SETX: variants seen among roughly 807,000 people sequenced by gnomAD.
SETX encodes senataxin.
SETX carries 90 observed loss-of-function variants against 227.2 expected under a neutral mutation model. The observed-to-expected ratio is 0.40, with a 90% CI of 0.33 to 0.47. The LOEUF (loss-of-function observed/expected upper bound fraction) is 0.47. SETX is among the 20% of genes least tolerant of loss of function. The pLI is 0.91. For missense variants in SETX, 3,052 were observed against 3,181.5 expected (o/e 0.96, Z 0.98); for synonymous variants, 1,210 against 1,113.2 (o/e 1.09, Z -1.73).
At chr9:132,283,234 T>G (rs201489686) in intron 19 of SETX, 30 bp downstream of exon 19, 2 of 1,613,638 alleles carry the variant, frequency 1.2e-6, no homozygotes, top group Non-Finnish European at 1.7e-6. Context: ...ATAGTAGTAG[T>G]CAAAGTTGTA....
intron 11 of SETX, among the ~76,000 whole-genome samples, chr9:132,307,282 T>C (rs907948450): frequency 6.6e-6 from 1 of 151,880 alleles, no homozygotes; most frequent in Non-Finnish European, 1.5e-5. Context: ...ATAACAACAA[T>C]AATAATGTTT....
intron 10 of SETX, among the ~76,000 whole-genome samples, chr9:132,315,252 T>C (rs973676522): frequency 3.3e-5 from 5 of 152,148 alleles, no homozygotes; most frequent in Admixed American, 1.3e-4. Context: ...GCTGTTTCAC[T>C]GGGGAAAAGA....
chr9:132,273,780 C>CT (rs144757114), intron 23 of SETX, among the ~76,000 whole-genome samples: 2 of 151,822 alleles, frequency 1.3e-5, no homozygotes. Context: ...AGTAAAGATG[C>CT]TTTTTATTTA....
rs139427451 is a variant in SETX at position 132,329,007 on chromosome 9, G to A, written c.2591C>T (p.Pro864Leu). The change falls in exon 10 of 26, where the codon CCA becomes CTA. Residue 864 changes from proline (P) to leucine (L), a missense_variant. Pro to Leu is a moderately conservative substitution (Grantham distance 98). This residue lies in a region of SETX where 1,483 missense variants were observed against 1,312.0 expected (regional missense o/e 1.13). Transcript: ENST00000224140. ...GEQKSQNNVL[P>L]KEKQLKNEEL... ...TTCATTCTTTAATTGTTTCTCTTTT[G>A]GCAATACATTGTTTTGAGATTTTTG... is the stretch of plus-strand genomic sequence containing the variant. The A allele has an allele frequency of 2.1e-5, 34 of 1,606,308 alleles. No homozygotes were observed. The highest frequency in any genetic ancestry group is 1.2e-4 in the African/African-American group (9 of 74,780).
chr9:132,323,006 GATGA>G (rs1365603883), intron 10 of SETX, among the ~76,000 whole-genome samples: 1 of 151,958 alleles, frequency 6.6e-6, no homozygotes, highest in African/African-American at 2.4e-5. Context: ...AAGAAAATGA[GATGA>G]AAGATAGAAA....
In SETX at chr9:132,325,292, C is replaced by G. The variant is rs552346397; in HGVS notation, c.5274+1032G>C. On this transcript the variant is annotated intron_variant, in intron 10 of 25. Coordinates refer to ENST00000224140, the MANE Select transcript of SETX (RefSeq NM_015046.7). Reference sequence around the variant, plus strand: ...AACAGCCTGAACCCGGGAGGCAGAGCTTGCAGTGAGCCGAGATTGCACCAC... The same window carrying G: ...AACAGCCTGAACCCGGGAGGCAGAGGTTGCAGTGAGCCGAGATTGCACCAC... Among the ~76,000 whole-genome samples the G allele has an allele frequency of 7.2e-5, 11 of 151,950 alleles. No individual in the cohort carries two copies. In the East Asian group the frequency reaches 1.6e-3, roughly 22 times the overall value.
chr9:132,353,249 T>C (rs1230822352), intron 2 of SETX, among the ~76,000 whole-genome samples: 1 of 152,176 alleles, frequency 6.6e-6, no homozygotes, highest in Non-Finnish European at 1.5e-5. Context: ...TTGCTCTTCC[T>C]AAAACCATTC....
chr9:132,295,025 G>A (rs1844589104), intron 15 of SETX, among the ~76,000 whole-genome samples: 1 of 152,212 alleles, frequency 6.6e-6, no homozygotes, highest in African/African-American at 2.4e-5. Flanking sequence ...TGGTAGGGAA[G>A]ACAAGACATA....
intron 17 of SETX, among the ~76,000 whole-genome samples, chr9:132,287,392 G>A (rs1168980485): frequency 6.6e-6 from 1 of 152,144 alleles, no homozygotes; most frequent in Non-Finnish European, 1.5e-5. Context: ...AGAGGCTGAG[G>A]CAGAAAGACA....
At chr9:132,345,635 G>A (rs1259464167) in intron 4 of SETX, among the ~76,000 whole-genome samples, 3 of 152,260 alleles carry the variant, frequency 2.0e-5, no homozygotes, top group Non-Finnish European at 4.4e-5. Context: ...AGCAAATATA[G>A]CAAAATGTTA....
In SETX at chr9:132,263,242, C is replaced by A. The variant is rs937382522; in HGVS notation, c.*997G>T. On this transcript the variant is annotated 3_prime_UTR_variant, in exon 26 of 26. Coordinates refer to ENST00000224140, the MANE Select transcript of SETX (RefSeq NM_015046.7). Reference sequence around the variant, plus strand: ...TCTATTTGGCCTGCCCCAGTGGTTCCCAAGCTGCCTGGTGATCAGAATCCC... The same window carrying A: ...TCTATTTGGCCTGCCCCAGTGGTTCACAAGCTGCCTGGTGATCAGAATCCC... The A allele has an allele frequency of 6.6e-6, 1 of 152,184 alleles. No homozygotes were observed. The highest frequency in any genetic ancestry group is 1.5e-5 in the Non-Finnish European group (1 of 68,052). The allele number at this position is 152,184 out of a possible 1,614,324, so 9.4% of individuals were successfully genotyped here.
chr9:132,292,441 A>C (rs1303300268), intron 15 of SETX, among the ~76,000 whole-genome samples: 1 of 150,894 alleles, frequency 6.6e-6, no homozygotes, highest in African/African-American at 2.4e-5. Flanking sequence ...AAAAAAAGAA[A>C]ACATGATTAG....
intron 5 of SETX, among the ~76,000 whole-genome samples, chr9:132,337,684 G>A (rs1847711511): frequency 6.6e-6 from 1 of 152,130 alleles, no homozygotes; most frequent in Non-Finnish European, 1.5e-5. Flanking sequence ...GATAATAAGT[G>A]GTAGAAGGGG....
intron 5 of SETX, among the ~76,000 whole-genome samples, chr9:132,339,467 A>C (rs1324633182): frequency 6.6e-6 from 1 of 152,122 alleles, no homozygotes; most frequent in African/African-American, 2.4e-5. Context: ...AAATAAAACA[A>C]ATCTTTCCTC....
At chr9:132,337,986 G>A (rs1459770469) in intron 5 of SETX, among the ~76,000 whole-genome samples, 1 of 152,048 alleles carries the variant, frequency 6.6e-6, no homozygotes, top group Non-Finnish European at 1.5e-5. Context: ...CATATGACAA[G>A]CTGAGAAGGA....
Position 132,327,990 on chromosome 9 carries a change from C to G in SETX, c.3608G>C (p.Arg1203Thr). The change falls in exon 10 of 26, where the codon AGA becomes ACA. Residue 1203 changes from arginine to threonine, a missense_variant. Coordinates refer to ENST00000224140, the MANE Select transcript of SETX (RefSeq NM_015046.7). ...LVGNDFKSID[R>T]RTSTPNSRIQ... is the part of the protein sequence containing the mutation. ...ACGTGAATTGGGAGTTGAAGTCCTT[C>G]TATCAATACTTTTAAAATCATTTCC... is the stretch of plus-strand genomic sequence containing the variant. 3 of 1,613,718 alleles carry G rather than the reference C, an allele frequency of 1.9e-6. No homozygotes were observed. Among genetic ancestry groups the G allele is most frequent in the Non-Finnish European group, 1.7e-6 (2 of 1,179,898 alleles).
At position 132,311,892 on chromosome 9, in the gene SETX, AT is replaced by A. The variant is rs887093114; in HGVS notation, c.5275-37del. The A allele has an allele frequency of 2.7e-6, 4 of 1,468,462 alleles. No individual in the cohort carries two copies. In the African/African-American group the frequency reaches 5.6e-5, roughly 20 times the overall value. 91.0% of individuals were successfully genotyped at this position (1,468,462 alleles called of 1,614,324 possible). On this transcript the variant is annotated intron_variant, in intron 10 of 25. Coordinates refer to ENST00000224140, the MANE Select transcript of SETX (RefSeq NM_015046.7). ...CACAAAAGCAAATTAAGAAAGCAACATTCTGGAAAGTGATGCTAAATAGTAA... is the reference window on the plus strand; with the variant it reads ...CACAAAAGCAAATTAAGAAAGCAACATCTGGAAAGTGATGCTAAATAGTAA...
rs929959572 is a variant in SETX at position 132,316,500 on chromosome 9, G to A, written c.5275-4644C>T. Among the ~76,000 whole-genome samples, 7 of 152,216 alleles carry A rather than the reference G, an allele frequency of 4.6e-5. No individual in the cohort carries two copies. In the East Asian group the frequency reaches 1.4e-3, roughly 29 times the overall value. ...CATTAATGTGGCTAATGCTTTTTAT[G>A]TTTTTATGATTACCTTCATCACCTA... On this transcript the variant is annotated intron_variant, in intron 10 of 25. Coordinates refer to ENST00000224140, the MANE Select transcript of SETX (RefSeq NM_015046.7).
At chr9:132,304,157 G>C (rs746331763) in intron 11 of SETX, among the ~76,000 whole-genome samples, 3 of 152,118 alleles carry the variant, frequency 2.0e-5, no homozygotes, top group Non-Finnish European at 2.9e-5. Flanking sequence ...CCAGGAGAAG[G>C]GTAAGACGAG....
Sources: allele counts gnomAD v4.1 joint callset (sites outside exome capture counted in the v4.1 genomes callset), GRCh38; gene constraint gnomAD v4.1.1; regional missense constraint gnomAD v4.1.1; transcripts MANE v1.5; gene names NCBI Gene and HGNC (gene_info 2026-07-23, HGNC 2026-07-21).